DIPK1B: variants seen among roughly 807,000 people sequenced by gnomAD.
DIPK1B encodes the protein divergent protein kinase domain 1B.
Under a neutral mutation model 20.7 loss-of-function variants are expected in DIPK1B, and 17 were observed. The ratio of observed to expected loss-of-function variants is 0.82; its 90% confidence interval spans 0.56 to 1.23. The LOEUF is 1.23. Ranked by LOEUF, DIPK1B falls within the 50% of genes most tolerant of loss-of-function variation. The pLI, the probability that DIPK1B is intolerant of heterozygous loss-of-function variation, is 0.00. For missense variants in DIPK1B, 648 were observed against 601.8 expected (o/e 1.08, Z -0.80); for synonymous variants, 343 against 276.5 (o/e 1.24, Z -2.39).
chr9:136,713,275 G>C (rs184845148), intron 1 of DIPK1B, among the ~76,000 whole-genome samples: 1,553 of 152,270 alleles, frequency 0.01, 16 homozygotes, highest in Non-Finnish European at 0.014. Flanking sequence ...TTCACCTTCT[G>C]CTTTGGGGAG....
At chr9:136,719,456 A>G (rs1846555675) in intron 2 of DIPK1B, among the ~76,000 whole-genome samples, 1 of 152,184 alleles carries the variant, frequency 6.6e-6, no homozygotes, top group Non-Finnish European at 1.5e-5. Flanking sequence ...AGAGAGGCGC[A>G]GAGGCTGGCC....
At chr9:136,720,568 C>T (rs999129346) in intron 2 of DIPK1B, among the ~76,000 whole-genome samples, 6 of 152,196 alleles carry the variant, frequency 3.9e-5, no homozygotes, top group African/African-American at 1.4e-4. Flanking sequence ...AGGGTGGGGG[C>T]TGAGGAGGGG....
chr9:136,717,781 C>T, intron 2 of DIPK1B, 70 bp downstream of exon 2: 1 of 1,592,634 alleles, frequency 6.3e-7, no homozygotes, highest in South Asian at 1.1e-5. Context: ...GGGCACCAGG[C>T]CCTGGAGACA....
At chr9:136,718,726 G>A (rs909511328) in intron 2 of DIPK1B, among the ~76,000 whole-genome samples, 3 of 152,218 alleles carry the variant, frequency 2.0e-5, no homozygotes, top group Non-Finnish European at 2.9e-5. Context: ...CCCAGGTTCG[G>A]TGTCTCCTCC....
chr9:136,721,631 T>A, intron 2 of DIPK1B: 1 of 403,780 alleles, frequency 2.5e-6, no homozygotes, highest in South Asian at 2.8e-5. Context: ...GGGTGTGGTG[T>A]GTGTCTCATG....
At chr9:136,713,223 G>A (rs2131038335) in intron 1 of DIPK1B, among the ~76,000 whole-genome samples, 1 of 152,174 alleles carries the variant, frequency 6.6e-6, no homozygotes, top group South Asian at 2.1e-4. Context: ...GGGTCCGCAG[G>A]GGAGGCCCGG....
chr9:136,722,151 G>C lies in DIPK1B; in HGVS notation c.333G>C (p.Lys111Asn), dbSNP rs866064855. The change falls in exon 4 of 5, where the codon AAG becomes AAC. Residue 111 changes from lysine to asparagine, a missense_variant. Transcript: ENST00000371692. ...TGTACAGCGGGCTCTGGCGGGACAA[G>C]GATGTAACCATCAAGTGTGGCATTG... ...QQVYSGLWRD[K>N]DVTIKCGIEE... The C allele has an allele frequency of 3.1e-6, 5 of 1,614,036 alleles. No homozygotes were observed. The highest frequency in any genetic ancestry group is 4.2e-6 in the Non-Finnish European group (5 of 1,179,996).
chr9:136,720,092 C>G, intron 2 of DIPK1B, among the ~76,000 whole-genome samples: 1 of 150,862 alleles, frequency 6.6e-6, no homozygotes, highest in East Asian at 1.9e-4. Context: ...GGTGCAGGGG[C>G]TGTGTGGTCT....
At chr9:136,722,051 T>TGGGC in intron 3 of DIPK1B, 23 bp downstream of exon 3, 1 of 1,611,468 alleles carries the variant, frequency 6.2e-7, no homozygotes, top group Non-Finnish European at 8.5e-7. Context: ...GCAGGGCGGG[T>TGGGC]GGGCCTGGGG....
intron 3 of DIPK1B, 24 bp downstream of exon 3, chr9:136,722,052 G>T: frequency 6.2e-7 from 1 of 1,613,280 alleles, no homozygotes. Context: ...CAGGGCGGGT[G>T]GGCCTGGGGC....
At chr9:136,722,809 C>G (rs1564310984) in intron 4 of DIPK1B, 153 bp from the exon 5 acceptor site, 6 of 744,632 alleles carry the variant, frequency 8.1e-6, no homozygotes, top group Non-Finnish European at 1.3e-5. Flanking sequence ...GCTGCGTCCT[C>G]CACCCGTGTA....
intron 1 of DIPK1B, among the ~76,000 whole-genome samples, chr9:136,716,878 C>G (rs1214683794): frequency 6.6e-6 from 1 of 151,732 alleles, no homozygotes; most frequent in African/African-American, 2.4e-5. Flanking sequence ...CTCACCTGGC[C>G]TTGTGCGGAG....
Position 136,723,658 on chromosome 9 carries a change from C to T in DIPK1B, c.1180C>T (p.Arg394Cys), listed in dbSNP as rs1362193457. The part of the protein sequence containing the change: ...DLREELGTQL[R>C]TCTTLSGLAS... The stretch of plus-strand genomic sequence containing the variant: ...CCGCGAGGAGCTGGGCACACAGCTG[C>T]GCACCTGTACCACGCTGAGCGGGCT... Residue 394 changes from arginine (R) to cysteine (C), a missense_variant, in exon 5 of 5, where the codon CGC becomes TGC. Arg to Cys is a radical substitution (Grantham distance 180, BLOSUM62 -3). Transcript: ENST00000371692. 5.8e-6 allele frequency: 9 copies of T among 1,557,498 alleles called. No homozygotes were observed. The highest frequency in any genetic ancestry group is 1.9e-5 in the Admixed American group (1 of 52,732).
chr9:136,716,560 C>T (rs1424816418), intron 1 of DIPK1B, among the ~76,000 whole-genome samples: 3 of 152,044 alleles, frequency 2.0e-5, no homozygotes, highest in Non-Finnish European at 4.4e-5. Flanking sequence ...AGCCACCGCA[C>T]CCAGCTAATT....
chr9:136,722,019 G>C lies in DIPK1B; in HGVS notation c.297G>C (p.Pro99=). ...VEWRTCLSVA[P]GQQVYSGLWR... Reference sequence around the variant, plus strand: ...GGAGGACCTGCCTCTCGGTGGCCCCGGGCCAGCAGGTATAGCCACTGGCAG... The same window carrying C: ...GGAGGACCTGCCTCTCGGTGGCCCCCGGCCAGCAGGTATAGCCACTGGCAG... The change falls in exon 3 of 5, where the codon CCG becomes CCC. Residue 99 remains proline, a synonymous_variant. Transcript: ENST00000371692. 1 of 1,612,704 alleles carries C rather than the reference G, an allele frequency of 6.2e-7. No individual in the cohort carries two copies. The highest frequency in any genetic ancestry group is 8.5e-7 in the Non-Finnish European group (1 of 1,179,758).
In DIPK1B at chr9:136,722,040, G is replaced by A; in HGVS notation, c.306+12G>A. 1 of 1,613,422 alleles carries A rather than the reference G, an allele frequency of 6.2e-7. No homozygotes were observed. Among genetic ancestry groups the A allele is most frequent in the Non-Finnish European group, 8.5e-7 (1 of 1,179,916 alleles). ...CCCCGGGCCAGCAGGTATAGCCACT[G>A]GCAGGGCGGGTGGGCCTGGGGCTGA... On this transcript the variant is annotated intron_variant, in intron 3 of 4. Transcript: ENST00000371692.
At position 136,715,851 on chromosome 9, in the gene DIPK1B, G is replaced by A. The variant is rs574656144; in HGVS notation, c.64-1726G>A. Reference sequence around the variant, plus strand: ...TGCGGTAAGATACACATGGCATAAAGTGTATCATCTTAACCCTGTTTAAGG... The same window carrying A: ...TGCGGTAAGATACACATGGCATAAAATGTATCATCTTAACCCTGTTTAAGG... On this transcript the variant is annotated intron_variant, in intron 1 of 4. Coordinates refer to ENST00000371692, the MANE Select transcript of DIPK1B (RefSeq NM_152421.4). Among the ~76,000 whole-genome samples, 3 of 152,220 alleles carry A rather than the reference G, an allele frequency of 2.0e-5. No individual in the cohort carries two copies. The South Asian group carries it at 6.2e-4, about 32-fold the overall frequency.
rs911323450 is a variant in DIPK1B, at chr9:136,712,577, G to A, written c.-89G>A. 2 of 528,298 alleles carry A rather than the reference G, an allele frequency of 3.8e-6. No individual in the cohort carries two copies. Among genetic ancestry groups the A allele is most frequent in the East Asian group, 1.5e-4 (1 of 6,606 alleles). The allele number at this position is 528,298 out of a possible 1,614,324, so 32.7% of individuals were successfully genotyped here. A position where few individuals can be genotyped will look rare whatever the true frequency, so the allele number is the denominator to read the frequency against. On this transcript the variant is annotated 5_prime_UTR_variant, in exon 1 of 5. Transcript: ENST00000371692. The surrounding 1 kb of genome is among the most constrained non-coding windows in gnomAD (Gnocchi z 5.6). ...CCCGGGGGCGCGCGGCCCGCATGGC[G>A]AGGGAGCGGCGGCCGCTGCGGGCCG...
Sources: gnomAD v4.1 joint callset for allele counts (sites outside exome capture counted in the v4.1 genomes callset) on GRCh38, gnomAD v4.1.1 for gene constraint, Gnocchi (gnomAD v3.1) non-coding constraint, MANE v1.5 for transcripts, NCBI Gene and HGNC (gene_info 2026-07-23, HGNC 2026-07-21) for gene names.